The following WDPCP variants were observed in gnomAD, a reference collection of about 807,000 sequenced individuals.
The protein encoded by WDPCP is WD repeat containing planar cell polarity effector.
WDPCP carries 71 observed loss-of-function variants against 93.1 expected under a neutral mutation model. The ratio of observed to expected loss-of-function variants is 0.76; its 90% CI spans 0.63 to 0.93. The LOEUF (loss-of-function observed/expected upper bound fraction) is 0.93. Ranked by LOEUF, WDPCP falls within the 40% of genes least tolerant of loss-of-function variation. The pLI is 0.00. For synonymous variants in WDPCP, 315 were observed against 315.0 expected, an observed-to-expected ratio of 1.00 and a Z score of 0.00; for missense variants, 844 against 887.4, an observed-to-expected ratio of 0.95 and a Z score of 0.62.
At chr2:63,575,465 A>ACACTGTATATACAG (rs751954591) in intron 1 of WDPCP, among the ~76,000 whole-genome samples, 2 of 13,218 alleles carry the variant, frequency 1.5e-4, no homozygotes, top group Non-Finnish European at 2.8e-4. Context: ...TACAGTATAT[A>ACACTGTATATACAG]TGCAGTATAT....
chr2:63,623,701 C>T (rs1048450158), intron 3 of WDPCP, among the ~76,000 whole-genome samples: 4 of 152,076 alleles, frequency 2.6e-5, no homozygotes, highest in Admixed American at 1.3e-4. Flanking sequence ...TTCTTAGAGA[C>T]CTACAAAGAG....
chr2:63,494,287 T>TGAC (rs11281691), intron 1 of WDPCP, among the ~76,000 whole-genome samples: 1,814 of 150,432 alleles, frequency 0.012, 19 homozygotes, highest in Non-Finnish European at 0.016. Context: ...ATGATGATGA[T>TGAC]GACGACGACG....
At chr2:63,264,372 G>A (rs1228190979) in intron 13 of WDPCP, among the ~76,000 whole-genome samples, 1 of 152,198 alleles carries the variant, frequency 6.6e-6, no homozygotes, top group African/African-American at 2.4e-5. Context: ...GGGTGCGGTG[G>A]CTCACGCCTG....
intron 13 of WDPCP, among the ~76,000 whole-genome samples, chr2:63,262,070 TC>T (rs1681677070): frequency 6.6e-6 from 1 of 152,182 alleles, no homozygotes; most frequent in Admixed American, 6.5e-5. Flanking sequence ...TATACTTTTT[TC>T]AACTTTGCTA....
intron 3 of WDPCP, chr2:63,594,558 G>C: frequency 6.2e-7 from 1 of 1,613,536 alleles, no homozygotes; most frequent in Non-Finnish European, 8.5e-7. Context: ...TACAGTATTG[G>C]AAATGGATCT....
chr2:63,342,778 G>C lies in WDPCP; in HGVS notation c.1749-29467C>G, dbSNP rs554700772. ...AGAAAACTTACAATCTAAAAATACA[G>C]TAGTATTGTCTTTTATATTTACCTA... is the stretch of plus-strand genomic sequence containing the variant. On this transcript the variant is annotated intron_variant, in intron 12 of 17. Coordinates refer to ENST00000272321, the MANE Select transcript of WDPCP (RefSeq NM_015910.7). Among the ~76,000 whole-genome samples, 14 of 152,266 alleles carry C rather than the reference G, an allele frequency of 9.2e-5. No homozygotes were observed. The South Asian group carries it at 2.9e-3, about 32-fold the overall frequency.
chr2:63,274,099 A>G (rs948787324), intron 13 of WDPCP, among the ~76,000 whole-genome samples: 1 of 152,190 alleles, frequency 6.6e-6, no homozygotes, highest in African/African-American at 2.4e-5. Context: ...CATATGTGTT[A>G]GGCCACAAAA....
intron 12 of WDPCP, among the ~76,000 whole-genome samples, chr2:63,325,577 G>A (rs555290588): frequency 5.3e-5 from 8 of 152,270 alleles, no homozygotes; most frequent in South Asian, 4.1e-4. Flanking sequence ...CTCAAGGTCC[G>A]TTACCGTCCG....
At chr2:63,508,193 G>A (rs193142082) in intron 1 of WDPCP, among the ~76,000 whole-genome samples, 6 of 152,204 alleles carry the variant, frequency 3.9e-5, no homozygotes, top group Admixed American at 2.6e-4. Flanking sequence ...CAGAAAGGTC[G>A]GGTTACCCAC....
intron 1 of WDPCP, among the ~76,000 whole-genome samples, chr2:63,822,590 G>A (rs1671039275): frequency 1.3e-5 from 2 of 152,070 alleles, no homozygotes; most frequent in Non-Finnish European, 1.5e-5. Context: ...AGTGACAGAG[G>A]AAAGTATTCA....
intron 1 of WDPCP, among the ~76,000 whole-genome samples, chr2:63,528,902 T>G (rs1703584754): frequency 6.6e-6 from 1 of 152,222 alleles, no homozygotes; most frequent in Admixed American, 6.5e-5. Context: ...AGCAGTGGTT[T>G]GTAGTTCTCC....
Position 63,745,702 on chromosome 2 carries a change from G to A in WDPCP, n.308+67920C>T, listed in dbSNP as rs374072967. ...CCATCTTATTTGCTCCCTTTCTCTG[G>A]AGAATCTTGACTAATATAGGGGCTA... On this transcript the variant is annotated intron_variant and non_coding_transcript_variant, in intron 2 of 4. Coordinates refer to the WDPCP transcript ENST00000467687. 1.1e-4 allele frequency among the ~76,000 whole-genome samples: 17 copies of A among 152,022 alleles called. No individual in the cohort carries two copies. The East Asian group carries it at 2.5e-3, about 22-fold the overall frequency.
intron 2 of WDPCP, among the ~76,000 whole-genome samples, chr2:63,718,945 G>A (rs34714807): frequency 0.2 from 30,222 of 152,078 alleles, 3,255 homozygotes; most frequent in Middle Eastern, 0.28. Context: ...AGATACATTA[G>A]TCATAATTTT....
intron 13 of WDPCP, among the ~76,000 whole-genome samples, chr2:63,296,201 C>G (rs1684841587): frequency 8.9e-6 from 1 of 112,474 alleles, no homozygotes. Context: ...ATGATCATCT[C>G]AGTAGATGCA....
chr2:63,604,714 G>A, intron 3 of WDPCP: 2 of 1,613,786 alleles, frequency 1.2e-6, no homozygotes, highest in Non-Finnish European at 1.7e-6. Context: ...TAAACTTGGT[G>A]TGACTGCTAA....
At chr2:63,799,015 A>C (rs1324466791) in intron 2 of WDPCP, among the ~76,000 whole-genome samples, 2 of 152,200 alleles carry the variant, frequency 1.3e-5, no homozygotes, top group Non-Finnish European at 2.9e-5. Context: ...AGATTTATTC[A>C]TGATCTGAAA....
intron 17 of WDPCP, among the ~76,000 whole-genome samples, chr2:63,130,901 TAATAATTATATCTTGGTG>T (rs1394289708): frequency 6.6e-6 from 1 of 152,184 alleles, no homozygotes; most frequent in African/African-American, 2.4e-5. Context: ...TACATATTTA[TAATAATTATATCTTGGTG>T]AATTGACTCT....
chr2:63,551,432 C>A (rs1003192092), intron 1 of WDPCP, among the ~76,000 whole-genome samples: 2 of 152,008 alleles, frequency 1.3e-5, no homozygotes, highest in Non-Finnish European at 2.9e-5. Flanking sequence ...CAAGTGAGAT[C>A]GGGTTATTTA....
Position 63,379,323 on chromosome 2 carries a change from G to T in WDPCP, c.1625-814C>A, listed in dbSNP as rs549398416. ...ATTTTTATGCTACTAGCACTGAGTTGAATAAACAATTCCTTATTTAGCAAA... is the reference window on the plus strand; with the variant it reads ...ATTTTTATGCTACTAGCACTGAGTTTAATAAACAATTCCTTATTTAGCAAA... On this transcript the variant is annotated intron_variant, in intron 11 of 17. Coordinates refer to ENST00000272321, the MANE Select transcript of WDPCP (RefSeq NM_015910.7). Among the ~76,000 whole-genome samples the T allele has an allele frequency of 2.0e-5, 3 of 152,200 alleles. No homozygotes were observed. In the East Asian group the frequency reaches 5.8e-4, roughly 29 times the overall value.
Sources: allele counts gnomAD v4.1 joint callset (sites outside exome capture counted in the v4.1 genomes callset), GRCh38; gene constraint gnomAD v4.1.1; transcripts MANE v1.5; gene names NCBI Gene and HGNC (gene_info 2026-07-23, HGNC 2026-07-21).